Variants in NMNAT3 observed in about 807,000 individuals in gnomAD.
The protein encoded by NMNAT3 is nicotinamide nucleotide adenylyltransferase 3.
A neutral mutation model predicts 24.8 loss-of-function variants in NMNAT3; 21 were observed. The observed-to-expected ratio is 0.85, with a 90% CI of 0.60 to 1.22. NMNAT3 has a LOEUF of 1.22. Among genes scored for constraint, NMNAT3 ranks in the 50% most tolerant of loss-of-function variants. The pLI, the probability that NMNAT3 is intolerant of heterozygous loss-of-function variation, is 0.00. For synonymous variants in NMNAT3, 136 were observed against 155.2 expected (o/e 0.88, Z 0.92); for missense variants, 387 against 436.6 (o/e 0.89, Z 1.01).
At chr3:139,573,555 C>T in intron 6 of NMNAT3, 43 bp downstream of exon 6, 2 of 1,231,092 alleles carry the variant, frequency 1.6e-6, no homozygotes, top group Non-Finnish European at 2.3e-6. Context: ...TCACAGAATC[C>T]CTGACATCTC....
At chr3:139,618,361 T>G (rs2055605734) in intron 3 of NMNAT3, among the ~76,000 whole-genome samples, 1 of 152,230 alleles carries the variant, frequency 6.6e-6, no homozygotes, top group African/African-American at 2.4e-5. Context: ...TTAAAAGTTT[T>G]GATATATTAT....
intron 3 of NMNAT3, among the ~76,000 whole-genome samples, chr3:139,608,398 A>G (rs937869832): frequency 6.6e-6 from 1 of 152,214 alleles, no homozygotes; most frequent in African/African-American, 2.4e-5. Flanking sequence ...TAGAATAGGA[A>G]TGTTAAAACT....
chr3:139,602,101 T>C (rs2054745263), intron 3 of NMNAT3, among the ~76,000 whole-genome samples: 2 of 152,174 alleles, frequency 1.3e-5, no homozygotes, highest in South Asian at 4.1e-4. Context: ...ATAAAATAGG[T>C]CATGGAGTTA....
intron 1 of NMNAT3, among the ~76,000 whole-genome samples, chr3:139,648,268 C>T (rs1015522441): frequency 3.9e-5 from 6 of 152,208 alleles, no homozygotes; most frequent in African/African-American, 1.4e-4. Flanking sequence ...TTGCCTTCTG[C>T]CATGATTGTA....
chr3:139,582,067 T>C, intron 4 of NMNAT3, among the ~76,000 whole-genome samples: 1 of 150,970 alleles, frequency 6.6e-6, no homozygotes, highest in Admixed American at 6.6e-5. Flanking sequence ...TAATGGTGTG[T>C]GCCTGTAATC....
intron 3 of NMNAT3, among the ~76,000 whole-genome samples, chr3:139,615,122 T>A (rs2055423855): frequency 6.6e-6 from 1 of 152,252 alleles, no homozygotes; most frequent in Non-Finnish European, 1.5e-5. Flanking sequence ...TCAGATTTTA[T>A]TGGTGGGAGA....
At chr3:139,655,660 C>T (rs914964330) in intron 1 of NMNAT3, among the ~76,000 whole-genome samples, 1 of 152,098 alleles carries the variant, frequency 6.6e-6, no homozygotes, top group Non-Finnish European at 1.5e-5. Context: ...CTAAAGTGCC[C>T]GAGCCACAGA....
intron 3 of NMNAT3, among the ~76,000 whole-genome samples, chr3:139,616,338 G>A (rs943563493): frequency 2.0e-5 from 3 of 152,072 alleles, no homozygotes; most frequent in East Asian, 1.9e-4. Flanking sequence ...TATTTCTTGG[G>A]TCTTCTTGAA....
At chr3:139,635,154 A>G (rs1407527180) in intron 2 of NMNAT3, 1 of 152,090 alleles carries the variant, frequency 6.6e-6, no homozygotes, top group Non-Finnish European at 1.5e-5. Flanking sequence ...CACTCCCTAT[A>G]CCAGCTTCCA....
chr3:139,573,475 T>C (rs2108058198), intron 6 of NMNAT3, 123 bp downstream of exon 6: 1 of 450,704 alleles, frequency 2.2e-6, no homozygotes, highest in South Asian at 7.1e-5. Flanking sequence ...GGCCTTAAAT[T>C]CCTTATCTGT....
At chr3:139,666,985 A>G (rs1351526612) in intron 1 of NMNAT3, among the ~76,000 whole-genome samples, 1 of 152,210 alleles carries the variant, frequency 6.6e-6, no homozygotes, top group Non-Finnish European at 1.5e-5. Context: ...ATTGATTGAT[A>G]GAATGGTTGG....
At chr3:139,669,997 G>A (rs1207295773) in intron 1 of NMNAT3, among the ~76,000 whole-genome samples, 1 of 152,128 alleles carries the variant, frequency 6.6e-6, no homozygotes, top group Non-Finnish European at 1.5e-5. Flanking sequence ...TCAAATTTTG[G>A]TAGTCTATTC....
At chr3:139,672,888 C>T (rs1481947542) in intron 1 of NMNAT3, among the ~76,000 whole-genome samples, 1 of 152,192 alleles carries the variant, frequency 6.6e-6, no homozygotes, top group African/African-American at 2.4e-5. Flanking sequence ...GTTTCGAAGG[C>T]AGGCATGGTG....
intron 2 of NMNAT3, 78 bp downstream of exon 2, chr3:139,637,885 A>T (rs991482658): frequency 6.6e-6 from 1 of 152,212 alleles, no homozygotes; most frequent in African/African-American, 2.4e-5. Context: ...TTCCTTGCAT[A>T]GCACACTGTA....
At chr3:139,577,225 G>A (rs972488965) in intron 5 of NMNAT3, among the ~76,000 whole-genome samples, 1 of 152,126 alleles carries the variant, frequency 6.6e-6, no homozygotes, top group African/African-American at 2.4e-5. Flanking sequence ...ATAGTACTAT[G>A]GTCAACTCCT....
chr3:139,650,469 C>A (rs897510790), intron 1 of NMNAT3, among the ~76,000 whole-genome samples: 1 of 152,156 alleles, frequency 6.6e-6, no homozygotes, highest in African/African-American at 2.4e-5. Flanking sequence ...GTGGTCTAAA[C>A]CCCCTGTGTT....
intron 2 of NMNAT3, chr3:139,635,754 A>G (rs1316255534): frequency 6.6e-6 from 1 of 152,264 alleles, no homozygotes; most frequent in African/African-American, 2.4e-5. Flanking sequence ...ACTCCTCAAT[A>G]TCCATTCTCC....
chr3:139,639,672 T>A (rs1170179783), intron 1 of NMNAT3, among the ~76,000 whole-genome samples: 1 of 152,230 alleles, frequency 6.6e-6, no homozygotes, highest in Admixed American at 6.5e-5. Context: ...AATGCTGACA[T>A]CTGGCTACTG....
chr3:139,585,271 T>G (rs1301983407), intron 3 of NMNAT3, among the ~76,000 whole-genome samples: 1 of 152,192 alleles, frequency 6.6e-6, no homozygotes, highest in Non-Finnish European at 1.5e-5. Context: ...GGGATCCTGT[T>G]TTTGGTGTGC....
Sources: gnomAD v4.1 joint callset for allele counts (sites outside exome capture counted in the v4.1 genomes callset) on GRCh38, gnomAD v4.1.1 for gene constraint, MANE v1.5 for transcripts, NCBI Gene and HGNC (gene_info 2026-07-23, HGNC 2026-07-21) for gene names.